Variants in ARPC5 observed in about 807,000 individuals in gnomAD.
The protein encoded by ARPC5 is actin related protein 2/3 complex subunit 5.
Under a neutral mutation model 15.4 loss-of-function variants are expected in ARPC5, and 5 were observed. The observed-to-expected ratio is 0.32, with a 90% CI of 0.17 to 0.68. The LOEUF (loss-of-function observed/expected upper bound fraction) is 0.68. ARPC5 is among the 30% of genes least tolerant of loss of function. The pLI, the probability that ARPC5 is intolerant of heterozygous loss-of-function variation, is 0.71. For synonymous variants in ARPC5, 85 were observed against 72.2 expected (o/e 1.18, Z -0.90); for missense variants, 138 against 192.8 (o/e 0.72, Z 1.68).
At position 183,623,827 on chromosome 1, in the gene ARPC5, A is replaced by G. The variant is rs1431879185; in HGVS notation, c.*3705T>C. On this transcript the variant is annotated 3_prime_UTR_variant, in exon 4 of 4. Coordinates refer to ENST00000359856, the MANE Select transcript of ARPC5 (RefSeq NM_005717.4). ...CACCTGAGGTCAGGAGTTCAAGACCAGCCTGGGCAACATGGTGAAACCCCA... is the reference window on the plus strand; with the variant it reads ...CACCTGAGGTCAGGAGTTCAAGACCGGCCTGGGCAACATGGTGAAACCCCA... 3.7e-6 allele frequency: 1 copy of G among 268,270 alleles called. No homozygotes were observed. Among genetic ancestry groups the G allele is most frequent in the East Asian group, 8.4e-5 (1 of 11,898 alleles). 16.6% of individuals were successfully genotyped at this position (268,270 alleles called of 1,614,324 possible). A position where few individuals can be genotyped will look rare whatever the true frequency, so the allele number is the denominator to read the frequency against.
intron 1 of ARPC5, 26 bp downstream of exon 1, chr1:183,635,491 G>C: frequency 3.1e-6 from 5 of 1,592,858 alleles, no homozygotes; most frequent in South Asian, 1.1e-5. Context: ...GGGCTGGGGT[G>C]GGGAGGGCGG....
chr1:183,630,724 C>T lies in ARPC5; in HGVS notation c.217-87G>A, dbSNP rs150755873. ...CAGAAAGTCTACACTATGAATGTGA[C>T]ATTTGAGTAAGGACCTGAAGGACGT... On this transcript the variant is annotated intron_variant, in intron 2 of 3. Transcript: ENST00000359856. The T allele has an allele frequency of 6.1e-4, 790 of 1,295,922 alleles. 3 individuals are homozygous for T. The highest frequency in any genetic ancestry group is 7.8e-4 in the Non-Finnish European group (738 of 945,362). The allele number at this position is 1,295,922 out of a possible 1,614,324, so 80.3% of individuals were successfully genotyped here.
intron 3 of ARPC5, among the ~76,000 whole-genome samples, chr1:183,629,446 T>C (rs547603523): frequency 6.6e-6 from 1 of 152,280 alleles, no homozygotes; most frequent in South Asian, 2.1e-4. Flanking sequence ...CTACCCAAAT[T>C]GGTGCATTTT....
At chr1:183,635,380 C>A (rs867482198) in intron 1 of ARPC5, 137 bp downstream of exon 1, 9 of 1,077,172 alleles carry the variant, frequency 8.4e-6, no homozygotes, top group Non-Finnish European at 1.0e-5. Flanking sequence ...GCGGGCGATC[C>A]CAAAGAGACA....
intron 3 of ARPC5, among the ~76,000 whole-genome samples, chr1:183,628,889 A>G (rs1327144601): frequency 2.0e-5 from 3 of 152,228 alleles, no homozygotes; most frequent in African/African-American, 7.2e-5. Flanking sequence ...CAGGTGACTG[A>G]CAAGGGCAAT....
rs1460871287 is a variant in ARPC5 at position 183,620,889 on chromosome 1, A to G, written c.*6643T>C. ...TTTTATTTATAGTAAAAGCTATTAT[A>G]AAGCGAAACTCAAAATGCAAGAAAT... On this transcript the variant is annotated 3_prime_UTR_variant, in exon 4 of 4. Transcript: ENST00000359856. 6.6e-6 allele frequency: 1 copy of G among 152,136 alleles called. No individual in the cohort carries two copies. The highest frequency in any genetic ancestry group is 1.5e-5 in the Non-Finnish European group (1 of 68,020). The allele number at this position is 152,136 out of a possible 1,614,324, so 9.4% of individuals were successfully genotyped here.
Position 183,627,457 on chromosome 1 carries a change from C to T in ARPC5, c.*75G>A, listed in dbSNP as rs889839675. ...GAAACAGATGCTACCCACAGGGCAG[C>T]GGTGGCATTTGGTTGTTTTGGTCTT... is the stretch of plus-strand genomic sequence containing the variant. On this transcript the variant is annotated 3_prime_UTR_variant, in exon 4 of 4. Coordinates refer to ENST00000359856, the MANE Select transcript of ARPC5 (RefSeq NM_005717.4). 7 of 1,247,868 alleles carry T rather than the reference C, an allele frequency of 5.6e-6. No individual in the cohort carries two copies. Among genetic ancestry groups the T allele is most frequent in the East Asian group, 2.3e-5 (1 of 43,086 alleles). 77.3% of individuals were successfully genotyped at this position (1,247,868 alleles called of 1,614,324 possible).
In ARPC5 at chr1:183,623,751, C is replaced by T. The variant is rs545298307; in HGVS notation, c.*3781G>A. 14 of 474,064 alleles carry T rather than the reference C, an allele frequency of 3.0e-5. No individual in the cohort carries two copies. In the South Asian group the frequency reaches 3.4e-4, roughly 11 times the overall value. 29.4% of individuals were successfully genotyped at this position (474,064 alleles called of 1,614,324 possible). On this transcript the variant is annotated 3_prime_UTR_variant, in exon 4 of 4. Coordinates refer to ENST00000359856, the MANE Select transcript of ARPC5 (RefSeq NM_005717.4). The stretch of plus-strand genomic sequence containing the variant: ...AAAAATTAATCAATCTGGCTGGGCG[C>T]GGTGGTCACGCCTGTAATCCCAGTG...
rs939098785 is a variant in ARPC5 at position 183,623,505 on chromosome 1, A to G, written c.*4027T>C. ...AACGTTTTCACATTGGGGTTTTCAC[A>G]TATTGTACTAGTGACATTGGGGTGA... is the stretch of plus-strand genomic sequence containing the variant. On this transcript the variant is annotated 3_prime_UTR_variant, in exon 4 of 4. Transcript: ENST00000359856. 8.4e-6 allele frequency: 13 copies of G among 1,550,254 alleles called. No individual in the cohort carries two copies. In the East Asian group the frequency reaches 2.9e-4, roughly 35 times the overall value.
rs752328465 is a variant in ARPC5 at position 183,625,600 on chromosome 1, G to A, written c.*1932C>T. 5.9e-5 allele frequency: 9 copies of A among 152,178 alleles called. No homozygotes were observed. Among genetic ancestry groups the A allele is most frequent in the African/African-American group, 9.7e-5 (4 of 41,428 alleles). The allele number at this position is 152,178 out of a possible 1,614,324, so 9.4% of individuals were successfully genotyped here. A position where few individuals can be genotyped will look rare whatever the true frequency, so the allele number is the denominator to read the frequency against. ...CATGTGCCTGTAGTTCCACCTTTTCGGGAGGCTGAGGCAGGACTGCTTGAA... is the reference window on the plus strand; with the variant it reads ...CATGTGCCTGTAGTTCCACCTTTTCAGGAGGCTGAGGCAGGACTGCTTGAA... On this transcript the variant is annotated 3_prime_UTR_variant, in exon 4 of 4. Coordinates refer to ENST00000359856, the MANE Select transcript of ARPC5 (RefSeq NM_005717.4).
At position 183,626,088 on chromosome 1, in the gene ARPC5, C is replaced by A. The variant is rs1649087717; in HGVS notation, c.*1444G>T. 6.6e-6 allele frequency: 1 copy of A among 152,192 alleles called. No individual in the cohort carries two copies. The highest frequency in any genetic ancestry group is 2.1e-4 in the South Asian group (1 of 4,834). 9.4% of individuals were successfully genotyped at this position (152,192 alleles called of 1,614,324 possible). A position where few individuals can be genotyped will look rare whatever the true frequency, so the allele number is the denominator to read the frequency against. On this transcript the variant is annotated 3_prime_UTR_variant, in exon 4 of 4. Coordinates refer to ENST00000359856, the MANE Select transcript of ARPC5 (RefSeq NM_005717.4). The stretch of plus-strand genomic sequence containing the variant: ...TTATATCTATATAGTCTTATAAAAA[C>A]CCTACCAAACTGTTCTTGTTAAGAG...
chr1:183,635,471 G>T, intron 1 of ARPC5, 46 bp downstream of exon 1: 2 of 1,550,556 alleles, frequency 1.3e-6, no homozygotes, highest in South Asian at 1.2e-5. Context: ...GGAGAAGGGC[G>T]GGCTGGGCTG....
chr1:183,626,014 A>C lies in ARPC5; in HGVS notation c.*1518T>G, dbSNP rs1649086027. On this transcript the variant is annotated 3_prime_UTR_variant, in exon 4 of 4. Transcript: ENST00000359856. Reference sequence around the variant, plus strand: ...CCAGAAGGCTATGGAATCACTCCAAAGGCTTCAGTAGTGCTCTGACATCAT... The same window carrying C: ...CCAGAAGGCTATGGAATCACTCCAACGGCTTCAGTAGTGCTCTGACATCAT... 1 of 152,202 alleles carries C rather than the reference A, an allele frequency of 6.6e-6. No homozygotes were observed. The highest frequency in any genetic ancestry group is 1.9e-4 in the East Asian group (1 of 5,198). The allele number at this position is 152,202 out of a possible 1,614,324, so 9.4% of individuals were successfully genotyped here.
In ARPC5 at chr1:183,623,779, T is replaced by C. The variant is rs1302666646; in HGVS notation, c.*3753A>G. On this transcript the variant is annotated 3_prime_UTR_variant, in exon 4 of 4. Transcript: ENST00000359856. Reference sequence around the variant, plus strand: ...TGGTCACGCCTGTAATCCCAGTGCTTTGGGAGGCGGAGGAGGGTGGATCAC... The same window carrying C: ...TGGTCACGCCTGTAATCCCAGTGCTCTGGGAGGCGGAGGAGGGTGGATCAC... 7.7e-6 allele frequency: 3 copies of C among 389,636 alleles called. No homozygotes were observed. The highest frequency in any genetic ancestry group is 9.4e-6 in the Non-Finnish European group (2 of 212,106). 24.1% of individuals were successfully genotyped at this position (389,636 alleles called of 1,614,324 possible). A position where few individuals can be genotyped will look rare whatever the true frequency, so the allele number is the denominator to read the frequency against.
At chr1:183,630,898 G>C (rs1194239311) in intron 2 of ARPC5, 2 of 367,082 alleles carry the variant, frequency 5.4e-6, no homozygotes, top group East Asian at 8.9e-5. Context: ...GTAAGTCAGA[G>C]GTTATGGGAG....
At position 183,624,039 on chromosome 1, in the gene ARPC5, T is replaced by G. The variant is rs550826759; in HGVS notation, c.*3493A>C. 4 of 151,642 alleles carry G rather than the reference T, an allele frequency of 2.6e-5. No individual in the cohort carries two copies. The highest frequency in any genetic ancestry group is 1.0e-4 in the African/African-American group (4 of 39,308). The allele number at this position is 151,642 out of a possible 1,614,324, so 9.4% of individuals were successfully genotyped here. On this transcript the variant is annotated 3_prime_UTR_variant, in exon 4 of 4. Coordinates refer to ENST00000359856, the MANE Select transcript of ARPC5 (RefSeq NM_005717.4). Reference sequence around the variant, plus strand: ...CTCCATCTCAAAAAAAAAAAATTAATTAATTAATTTTCTTTTTTACCTTTA... The same window carrying G: ...CTCCATCTCAAAAAAAAAAAATTAAGTAATTAATTTTCTTTTTTACCTTTA...
chr1:183,628,029 C>T (rs1443721973), intron 3 of ARPC5, among the ~76,000 whole-genome samples: 4 of 151,890 alleles, frequency 2.6e-5, no homozygotes, highest in Middle Eastern at 3.4e-3. Flanking sequence ...AAAAATTAGC[C>T]GGGCGTGGTG....
intron 2 of ARPC5, chr1:183,632,077 T>G (rs1288693970): frequency 6.6e-6 from 1 of 152,134 alleles, no homozygotes; most frequent in South Asian, 2.1e-4. Context: ...CCAAAGAAAT[T>G]TTCCCCAATA....
Position 183,622,855 on chromosome 1 carries a change from C to T in ARPC5, c.*4677G>A, listed in dbSNP as rs1319108996. 6.5e-6 allele frequency: 1 copy of T among 153,370 alleles called. No homozygotes were observed. Among genetic ancestry groups the T allele is most frequent in the Admixed American group, 6.5e-5 (1 of 15,492 alleles). 9.5% of individuals were successfully genotyped at this position (153,370 alleles called of 1,614,324 possible). A position where few individuals can be genotyped will look rare whatever the true frequency, so the allele number is the denominator to read the frequency against. On this transcript the variant is annotated 3_prime_UTR_variant, in exon 4 of 4. Transcript: ENST00000359856. ...TCTTTGTGACTAAACTTGATTGGCT[C>T]TAGGGTATTTGAACCCAAGAATTAT...
Sources: gnomAD v4.1 joint callset for allele counts (sites outside exome capture counted in the v4.1 genomes callset) on GRCh38, gnomAD v4.1.1 for gene constraint, MANE v1.5 for transcripts, NCBI Gene and HGNC (gene_info 2026-07-23, HGNC 2026-07-21) for gene names.